RPGR: variants seen among roughly 807,000 people sequenced by gnomAD.
RPGR encodes retinitis pigmentosa GTPase regulator.
RPGR carries 10 observed loss-of-function variants against 56.3 expected under a neutral mutation model. That is an observed-to-expected ratio of 0.18 (90% CI 0.11 to 0.30). The LOEUF (loss-of-function observed/expected upper bound fraction) is 0.30, where lower values mean the gene tolerates loss of function less well. Among genes scored for constraint, RPGR ranks in the 10% least tolerant of loss-of-function variants. The pLI, the probability that RPGR is intolerant of heterozygous loss-of-function variation, is 1.00. For missense variants in RPGR, 538 were observed against 590.9 expected (o/e 0.91, Z 0.93); for synonymous variants, 197 against 212.9 (o/e 0.93, Z 0.65).
intron 6 of RPGR, among the ~76,000 whole-genome samples, chrX:38,311,734 T>C (rs925658703): frequency 1.8e-5 from 2 of 111,637 alleles, no homozygotes; most frequent in African/African-American, 6.5e-5. Context: ...CCTGGCTTCA[T>C]TATTGAGGGT....
In RPGR at chrX:38,299,096, G is replaced by T. The variant is rs768571911; in HGVS notation, c.1105C>A (p.Arg369Ser). 2 of 1,211,434 alleles carry T rather than the reference G, an allele frequency of 1.7e-6. No individual in the cohort carries two copies. Among genetic ancestry groups the T allele is most frequent in the Admixed American group, 4.3e-5 (2 of 46,002 alleles). The change falls in exon 10 of 19, where the codon CGT (arginine) becomes AGT (serine). Residue 369 changes from arginine (R) to serine (S), a missense_variant. Coordinates refer to ENST00000642395, the MANE Select transcript of RPGR (RefSeq NM_000328.3). ...AATTCAATTTCTTTTGCCACACCAC[G>T]ATGAGGAGCAGCAAAAACTACCATG...
intron 4 of RPGR, 49 bp downstream of exon 4, chrX:38,320,978 C>T: frequency 2.1e-6 from 2 of 933,614 alleles, no homozygotes; most frequent in Non-Finnish European, 3.1e-6. Context: ...TGGAATGAGA[C>T]CTCAGTTCTC....
intron 15 of RPGR, chrX:38,284,974 T>C (rs2067100762): frequency 4.0e-6 from 3 of 754,553 alleles, no homozygotes; most frequent in Non-Finnish European, 4.7e-6. Context: ...GCTGTCACTT[T>C]GTAGATTTTT....
At chrX:38,303,199 G>A (rs756772791) in intron 8 of RPGR, among the ~76,000 whole-genome samples, 2 of 110,485 alleles carry the variant, frequency 1.8e-5, no homozygotes, top group East Asian at 5.6e-4. Context: ...CCTGATCCAA[G>A]CTGCCTGATG....
chrX:38,311,695 T>G (rs2067722053), intron 6 of RPGR, among the ~76,000 whole-genome samples: 1 of 111,803 alleles, frequency 8.9e-6, no homozygotes, highest in Admixed American at 9.5e-5. Context: ...CAGGGCTGCT[T>G]GCACAAACAT....
At chrX:38,319,098 T>C in intron 4 of RPGR, 111 bp from the exon 5 acceptor site, 3 of 779,452 alleles carry the variant, frequency 3.8e-6, no homozygotes, top group South Asian at 2.3e-5. Context: ...TTGAAAGCTA[T>C]CACTATCCTA....
chrX:38,291,009 G>C lies in RPGR; in HGVS notation c.1522C>G (p.Leu508Val). ...TTTAATGACTTTTCATTGGAATTCA[G>C]GCTCATGATGTGTGTCTGAAATAAA... The change falls in exon 13 of 19, where the codon CTG becomes GTG. Residue 508 changes from leucine (L) to valine (V), a missense_variant. By Grantham distance (32) the Leu-to-Val change is conservative (BLOSUM62 1). Coordinates refer to ENST00000642395, the MANE Select transcript of RPGR (RefSeq NM_000328.3). 1 of 1,032,229 alleles carries C rather than the reference G, an allele frequency of 9.7e-7. No homozygotes were observed. Among genetic ancestry groups the C allele is most frequent in the East Asian group, 3.3e-5 (1 of 30,219 alleles). 85.1% of individuals were successfully genotyped at this position (1,032,229 alleles called of 1,213,427 possible).
At position 38,269,432 on chromosome X, in the gene RPGR, T is replaced by C. The variant is rs1008695516; in HGVS notation, c.*194A>G. The C allele has an allele frequency of 1.2e-4, 46 of 382,331 alleles. No individual in the cohort carries two copies. The highest frequency in any genetic ancestry group is 1.1e-3 in the African/African-American group (45 of 39,590). The allele number at this position is 382,331 out of a possible 1,213,427, so 31.5% of individuals were successfully genotyped here. ...CTTTAGGGAGAATTTGAGATACACA[T>C]ATTTTGAAATGACTTGTTAAAAATA... On this transcript the variant is annotated 3_prime_UTR_variant, in exon 19 of 19. Coordinates refer to ENST00000642395, the MANE Select transcript of RPGR (RefSeq NM_000328.3).
chrX:38,324,747 C>T (rs1214055521), intron 1 of RPGR, among the ~76,000 whole-genome samples: 1 of 103,187 alleles, frequency 9.7e-6, no homozygotes, highest in African/African-American at 3.5e-5. Flanking sequence ...AATAATTGTG[C>T]TACCTAGCAA....
At chrX:38,286,847 C>T in intron 15 of RPGR, 1 of 1,188,981 alleles carries the variant, frequency 8.4e-7, no homozygotes, top group African/African-American at 1.8e-5. Flanking sequence ...TTCTGATGGC[C>T]CTGCTCCCTC....
intron 15 of RPGR, among the ~76,000 whole-genome samples, chrX:38,283,062 T>C (rs1485423317): frequency 9.0e-6 from 1 of 111,529 alleles, no homozygotes; most frequent in Admixed American, 9.6e-5. Context: ...TTCCTTTTTT[T>C]TCTCCTAAGA....
At chrX:38,273,593 C>A in intron 17 of RPGR, 1 of 514,319 alleles carries the variant, frequency 1.9e-6, no homozygotes, top group Non-Finnish European at 3.3e-6. Context: ...AAAGAGCTCA[C>A]CCCTGGAGTA....
chrX:38,313,163 T>G (rs772332086), intron 6 of RPGR, among the ~76,000 whole-genome samples: 66 of 111,924 alleles, frequency 5.9e-4, no homozygotes, highest in Non-Finnish European at 1.0e-3. Context: ...CAGAGTTGTT[T>G]CCATCTTTCA....
intron 1 of RPGR, among the ~76,000 whole-genome samples, chrX:38,324,497 C>T (rs2068007142): frequency 9.1e-6 from 1 of 110,372 alleles, no homozygotes; most frequent in South Asian, 3.9e-4. Flanking sequence ...ACCACTATCT[C>T]TTTCATTCGA....
chrX:38,303,360 T>C (rs759339183), intron 8 of RPGR, among the ~76,000 whole-genome samples: 26 of 111,582 alleles, frequency 2.3e-4, no homozygotes, highest in African/African-American at 7.5e-4. Context: ...CCAGGGACGA[T>C]TGATGAACAA....
chrX:38,291,931 T>TGTTTC (rs1314040332), intron 11 of RPGR, among the ~76,000 whole-genome samples: 1 of 112,217 alleles, frequency 8.9e-6, no homozygotes, highest in Non-Finnish European at 1.9e-5. Flanking sequence ...GCTTCTGTTT[T>TGTTTC]GGTTATACAC....
chrX:38,302,042 A>G (rs182996981), intron 8 of RPGR, among the ~76,000 whole-genome samples: 7 of 112,138 alleles, frequency 6.2e-5, no homozygotes, highest in Non-Finnish European at 1.9e-5. Flanking sequence ...AGTAAATGCC[A>G]TAAGCCAAAA....
chrX:38,301,418 T>C (rs781536091), intron 8 of RPGR, 47 bp from the exon 9 acceptor site: 5 of 1,067,532 alleles, frequency 4.7e-6, no homozygotes, highest in South Asian at 3.8e-5. Flanking sequence ...GTTACTTGTA[T>C]GGATCTATTT....
At chrX:38,327,283 C>A in intron 1 of RPGR, 57 bp downstream of exon 1, 1 of 1,132,244 alleles carries the variant, frequency 8.8e-7, no homozygotes. Context: ...AGGCGGGGCC[C>A]GGCCGCCCGC....
Sources: allele counts gnomAD v4.1 joint callset (sites outside exome capture counted in the v4.1 genomes callset), GRCh38; gene constraint gnomAD v4.1.1; transcripts MANE v1.5; gene names NCBI Gene and HGNC (gene_info 2026-07-23, HGNC 2026-07-21).